SMYD3: variants seen among roughly 807,000 people sequenced by gnomAD.
SMYD3 encodes histone-lysine N-methyltransferase SMYD3.
SMYD3 carries 36 observed loss-of-function variants against 57.7 expected under a neutral mutation model. The ratio of observed to expected loss-of-function variants is 0.62; its 90% CI spans 0.48 to 0.82. The LOEUF is 0.82. Ranked by LOEUF, SMYD3 falls within the 40% of genes least tolerant of loss-of-function variation. The probability of loss-of-function intolerance (pLI) is 0.00; values close to 1 mark genes in which losing one functional copy is unlikely to be tolerated. For synonymous variants in SMYD3, 211 were observed against 195.0 expected, an observed-to-expected ratio of 1.08 and a Z score of -0.68; for missense variants, 515 against 538.8, an observed-to-expected ratio of 0.96 and a Z score of 0.44.
At chr1:246,416,257 G>A (rs1170046097) in intron 1 of SMYD3, among the ~76,000 whole-genome samples, 2 of 152,018 alleles carry the variant, frequency 1.3e-5, no homozygotes, top group African/African-American at 2.4e-5. Flanking sequence ...TTACCCATGC[G>A]GTGTCACTAA....
intron 8 of SMYD3, among the ~76,000 whole-genome samples, chr1:245,873,146 A>T (rs1158079884): frequency 6.6e-6 from 1 of 152,208 alleles, no homozygotes; most frequent in Non-Finnish European, 1.5e-5. Context: ...AACTAGCATG[A>T]TGGGCTGATA....
chr1:246,237,781 T>C lies in SMYD3; in HGVS notation c.531+89420A>G, dbSNP rs1315187424. ...AGACCATGCCATCCGTATCGTACTG[T>C]GACTTAGTTTACTGTATTCACTTAA... On this transcript the variant is annotated intron_variant, in intron 5 of 11. Coordinates refer to ENST00000490107, the MANE Select transcript of SMYD3 (RefSeq NM_001167740.2). 2.0e-5 allele frequency among the ~76,000 whole-genome samples: 3 copies of C among 152,190 alleles called. No homozygotes were observed. The East Asian group carries it at 5.8e-4, about 29-fold the overall frequency.
chr1:246,086,295 CCTGCTT>C (rs2060720165), intron 5 of SMYD3, among the ~76,000 whole-genome samples: 1 of 99,632 alleles, frequency 1.0e-5, no homozygotes, highest in African/African-American at 4.0e-5. Context: ...CACTGTTTCA[CCTGCTT>C]CAAGTGAATC....
chr1:246,048,729 G>C (rs2060011851), intron 5 of SMYD3, among the ~76,000 whole-genome samples: 1 of 151,720 alleles, frequency 6.6e-6, no homozygotes, highest in South Asian at 2.1e-4. Context: ...GAGAATGATA[G>C]CAACTTCACA....
At chr1:245,902,585 G>C (rs1018910506) in intron 8 of SMYD3, among the ~76,000 whole-genome samples, 2 of 152,170 alleles carry the variant, frequency 1.3e-5, no homozygotes, top group Non-Finnish European at 2.9e-5. Flanking sequence ...CTAAGGACCA[G>C]AATGCCTGGC....
chr1:246,280,158 A>G (rs953916955), intron 5 of SMYD3, among the ~76,000 whole-genome samples: 3 of 152,216 alleles, frequency 2.0e-5, no homozygotes, highest in Non-Finnish European at 4.4e-5. Flanking sequence ...TCAAGTAATC[A>G]TTCCATGCTC....
At chr1:245,801,755 G>A (rs1297984153) in intron 10 of SMYD3, among the ~76,000 whole-genome samples, 6 of 148,662 alleles carry the variant, frequency 4.0e-5, no homozygotes, top group African/African-American at 7.4e-5. Flanking sequence ...AAAAACTCAA[G>A]TTGGAAAAAT....
intron 10 of SMYD3, among the ~76,000 whole-genome samples, chr1:245,772,409 G>A (rs2046373377): frequency 6.6e-6 from 1 of 152,172 alleles, no homozygotes; most frequent in Non-Finnish European, 1.5e-5. Context: ...CAGTGCTTTG[G>A]GAGGCCAAGG....
chr1:245,791,942 A>C (rs2047288234), intron 10 of SMYD3, among the ~76,000 whole-genome samples: 1 of 135,060 alleles, frequency 7.4e-6, no homozygotes. Flanking sequence ...TAAACATTCT[A>C]ATTTTAAACT....
chr1:245,829,445 T>C (rs2049706830), intron 10 of SMYD3, among the ~76,000 whole-genome samples: 1 of 152,084 alleles, frequency 6.6e-6, no homozygotes, highest in Non-Finnish European at 1.5e-5. Context: ...CTACCGCCCA[T>C]CCACTAAAAT....
chr1:246,372,052 A>C (rs964359138), intron 1 of SMYD3, among the ~76,000 whole-genome samples: 1 of 152,264 alleles, frequency 6.6e-6, no homozygotes, highest in African/African-American at 2.4e-5. Context: ...TTATAAAGAA[A>C]GACTAGCATG....
chr1:245,861,135 A>G (rs2051522909), intron 9 of SMYD3, among the ~76,000 whole-genome samples: 1 of 152,226 alleles, frequency 6.6e-6, no homozygotes. Flanking sequence ...CTTTCCTGCA[A>G]AACACCCCAG....
chr1:245,782,108 C>G (rs1487212083), intron 10 of SMYD3, among the ~76,000 whole-genome samples: 1 of 152,140 alleles, frequency 6.6e-6, no homozygotes, highest in African/African-American at 2.4e-5. Flanking sequence ...AGTTCTTTAC[C>G]CTCCCTCTAA....
intron 1 of SMYD3, among the ~76,000 whole-genome samples, chr1:246,410,079 A>T (rs1353277754): frequency 2.0e-5 from 3 of 152,180 alleles, no homozygotes; most frequent in African/African-American, 4.8e-5. Context: ...GGCTGAGATG[A>T]TCGGGTTTTC....
At chr1:246,057,774 T>G (rs1355176040) in intron 5 of SMYD3, among the ~76,000 whole-genome samples, 1 of 152,190 alleles carries the variant, frequency 6.6e-6, no homozygotes, top group Middle Eastern at 3.2e-3. Context: ...AGTTAAAAAC[T>G]TATGTCCACA....
At chr1:246,475,443 G>T (rs1002928796) in intron 1 of SMYD3, among the ~76,000 whole-genome samples, 6 of 151,640 alleles carry the variant, frequency 4.0e-5, no homozygotes, top group Admixed American at 3.3e-4. Flanking sequence ...GGGAATTCGA[G>T]ACCAGCCTGG....
At chr1:246,189,428 A>G (rs2062698147) in intron 5 of SMYD3, among the ~76,000 whole-genome samples, 1 of 152,250 alleles carries the variant, frequency 6.6e-6, no homozygotes, top group African/African-American at 2.4e-5. Flanking sequence ...CTGGATGAAT[A>G]TATGTTTGTT....
intron 5 of SMYD3, among the ~76,000 whole-genome samples, chr1:246,208,544 T>C (rs1205472935): frequency 6.6e-6 from 1 of 152,166 alleles, no homozygotes. Flanking sequence ...CTGCTTGTCA[T>C]ATTCTAAATA....
chr1:246,330,699 C>T (rs1459491770), intron 3 of SMYD3, among the ~76,000 whole-genome samples, 162 bp from the exon 4 acceptor site: 1 of 152,166 alleles, frequency 6.6e-6, no homozygotes, highest in Non-Finnish European at 1.5e-5. Context: ...AATTAATCAA[C>T]AACTTTAAAA....
Sources: gnomAD v4.1 joint callset for allele counts (sites outside exome capture counted in the v4.1 genomes callset) on GRCh38, gnomAD v4.1.1 for gene constraint, MANE v1.5 for transcripts, NCBI Gene and HGNC (gene_info 2026-07-23, HGNC 2026-07-21) for gene names.